Variants in MCTP2 observed in about 807,000 individuals in gnomAD.
MCTP2 encodes the protein multiple C2 and transmembrane domain containing 2, also known as multiple C2 and transmembrane domain-containing protein 2.
MCTP2 carries 132 observed loss-of-function variants against 111.6 expected under a neutral mutation model. The observed-to-expected ratio is 1.18, with a 90% CI of 1.03 to 1.37. The LOEUF (loss-of-function observed/expected upper bound fraction) is 1.37, where lower values mean the gene tolerates loss of function less well. MCTP2 is among the 40% of genes most tolerant of loss of function. The pLI is 0.00. For missense variants in MCTP2, 1,183 were observed against 1,067.9 expected, an observed-to-expected ratio of 1.11 and a Z score of -1.50; for synonymous variants, 395 against 387.7, an observed-to-expected ratio of 1.02 and a Z score of -0.22.
At chr15:94,385,844 A>G (rs1416001207) in intron 14 of MCTP2, among the ~76,000 whole-genome samples, 1 of 152,154 alleles carries the variant, frequency 6.6e-6, no homozygotes, top group African/African-American at 2.4e-5. Flanking sequence ...TGAATGACTG[A>G]TTTTCTATTT....
chr15:94,378,562 T>A (rs28502452), intron 12 of MCTP2, among the ~76,000 whole-genome samples: 2 of 152,052 alleles, frequency 1.3e-5, no homozygotes, highest in African/African-American at 4.8e-5. Context: ...GAAACTTTCT[T>A]ATGTCACTCA....
intron 1 of MCTP2, among the ~76,000 whole-genome samples, chr15:94,261,231 C>T (rs1011082797): frequency 4.6e-5 from 7 of 152,192 alleles, no homozygotes; most frequent in Non-Finnish European, 1.0e-4. Context: ...GTTGTACCCC[C>T]AACCCCCTTG....
intron 10 of MCTP2, 41 bp downstream of exon 10, chr15:94,358,653 G>T: frequency 6.2e-7 from 1 of 1,607,326 alleles, no homozygotes; most frequent in Non-Finnish European, 8.5e-7. Context: ...GCATGTTTCT[G>T]CATGGGGCTG....
At chr15:94,331,632 T>C (rs1567444398) in intron 4 of MCTP2, among the ~76,000 whole-genome samples, 1 of 152,246 alleles carries the variant, frequency 6.6e-6, no homozygotes, top group Non-Finnish European at 1.5e-5. Flanking sequence ...AAACAAGTTT[T>C]AGTAACATTG....
intron 14 of MCTP2, among the ~76,000 whole-genome samples, chr15:94,390,527 T>C (rs2080893618): frequency 1.3e-5 from 2 of 152,124 alleles, no homozygotes; most frequent in South Asian, 4.1e-4. Context: ...TCAGGCTGGA[T>C]TCTTCTCCAG....
intron 14 of MCTP2, among the ~76,000 whole-genome samples, chr15:94,395,340 C>T (rs2081226480): frequency 6.6e-6 from 1 of 152,154 alleles, no homozygotes; most frequent in South Asian, 2.1e-4. Context: ...ACTGGAAGGT[C>T]AAACAATGGG....
chr15:94,453,658 T>C (rs983254609), intron 19 of MCTP2, among the ~76,000 whole-genome samples: 3 of 152,252 alleles, frequency 2.0e-5, no homozygotes, highest in African/African-American at 7.2e-5. Context: ...TTATCTTTTT[T>C]ACTTTTTCAG....
chr15:94,309,286 G>A (rs294538), intron 2 of MCTP2, among the ~76,000 whole-genome samples: 96,471 of 151,982 alleles, frequency 0.63, 31,932 homozygotes, highest in African/African-American at 0.82. Flanking sequence ...TGTGACTCCT[G>A]TATTCTTAAA....
intron 11 of MCTP2, among the ~76,000 whole-genome samples, chr15:94,368,573 C>A (rs1204021503): frequency 1.3e-5 from 2 of 152,202 alleles, no homozygotes; most frequent in South Asian, 2.1e-4. Context: ...CAGGATCCTT[C>A]ACTGTGTAGA....
At position 94,389,777 on chromosome 15, in the gene MCTP2, T is replaced by C. The variant is rs2080764933; in HGVS notation, c.1788+4252T>C. On this transcript the variant is annotated intron_variant, in intron 14 of 22. Transcript: ENST00000357742. ...GAATGTGAATAATTTTTTTGAGAAT[T>C]CATTTTCTCTAATCAAGTTATAAAC... Among the ~76,000 whole-genome samples, 6 of 152,228 alleles carry C rather than the reference T, an allele frequency of 3.9e-5. No homozygotes were observed. In the South Asian group the frequency reaches 1.2e-3, roughly 32 times the overall value.
chr15:94,429,842 C>A (rs374725664), intron 17 of MCTP2, among the ~76,000 whole-genome samples: 3 of 152,298 alleles, frequency 2.0e-5, no homozygotes, highest in African/African-American at 7.2e-5. Context: ...CTAATTGGCA[C>A]CTCATACTCC....
In MCTP2 at chr15:94,275,456, A is replaced by T. The variant is rs146260818; in HGVS notation, c.-65-22745A>T. ...TTACTTTTATATGCTAGTAATAAAG[A>T]AAAATTAAAAATGTCTATACTGAAA... is the stretch of plus-strand genomic sequence containing the variant. On this transcript the variant is annotated intron_variant, in intron 1 of 22. Transcript: ENST00000357742. 3.8e-3 allele frequency among the ~76,000 whole-genome samples: 582 copies of T among 152,326 alleles called. 2 individuals carry two copies. The highest frequency in any genetic ancestry group is 0.014 in the Middle Eastern group (4 of 294).
intron 14 of MCTP2, among the ~76,000 whole-genome samples, chr15:94,386,223 T>A (rs145644582): frequency 1.3e-5 from 2 of 152,192 alleles, no homozygotes; most frequent in Non-Finnish European, 2.9e-5. Context: ...CAGTGATATA[T>A]GTACCAAACA....
intron 12 of MCTP2, among the ~76,000 whole-genome samples, chr15:94,372,323 A>G (rs373457836): frequency 4.8e-4 from 73 of 152,336 alleles, no homozygotes; most frequent in African/African-American, 1.6e-3. Flanking sequence ...TTTTAGAACT[A>G]AGTCTCACAG....
intron 22 of MCTP2, 115 bp from the exon 23 acceptor site, chr15:94,478,851 A>C: frequency 1.3e-6 from 1 of 790,320 alleles, no homozygotes; most frequent in Non-Finnish European, 2.2e-6. Flanking sequence ...AAAATGATTC[A>C]TTACCTTTGA....
chr15:94,299,656 C>G (rs1339931904), intron 2 of MCTP2, among the ~76,000 whole-genome samples: 1 of 152,180 alleles, frequency 6.6e-6, no homozygotes, highest in Non-Finnish European at 1.5e-5. Flanking sequence ...TTTAAAAAGT[C>G]TTTCGTTACT....
intron 17 of MCTP2, chr15:94,402,351 C>G: frequency 6.9e-7 from 1 of 1,451,248 alleles, no homozygotes; most frequent in East Asian, 2.5e-5. Context: ...TCTGAAAAAT[C>G]ACAGGACTAA....
At position 94,402,647 on chromosome 15, in the gene MCTP2, T is replaced by A. The variant is rs2081658984; in HGVS notation, c.2085+628T>A. On this transcript the variant is annotated intron_variant, in intron 17 of 22. Coordinates refer to ENST00000357742, the MANE Select transcript of MCTP2 (RefSeq NM_001385001.1). ...AGAGCCCAAGAATCTTGGAAGGACT[T>A]CACAGCTGGCCTCATGCCTTCACTT... 13 of 1,542,360 alleles carry A rather than the reference T, an allele frequency of 8.4e-6. No individual in the cohort carries two copies. The South Asian group carries it at 1.4e-4, about 17-fold the overall frequency.
chr15:94,434,925 G>A (rs1044488974), intron 17 of MCTP2, among the ~76,000 whole-genome samples: 25 of 148,576 alleles, frequency 1.7e-4, no homozygotes, highest in Non-Finnish European at 3.5e-4. Context: ...GTGAAGTGGC[G>A]CGATCTTAGC....
Sources: allele counts gnomAD v4.1 joint callset (sites outside exome capture counted in the v4.1 genomes callset), GRCh38; gene constraint gnomAD v4.1.1; transcripts MANE v1.5; gene names NCBI Gene and HGNC (gene_info 2026-07-23, HGNC 2026-07-21).